Variants in PTPRO observed in about 807,000 individuals in gnomAD.
PTPRO encodes the protein protein tyrosine phosphatase receptor type O.
A neutral mutation model predicts 145.2 loss-of-function variants in PTPRO; 62 were observed. The observed-to-expected ratio is 0.43, with a 90% CI of 0.35 to 0.53. The LOEUF is 0.53. Ranked by LOEUF, PTPRO falls within the 20% of genes least tolerant of loss-of-function variation. PTPRO has a pLI of 0.01. For missense variants in PTPRO, 1,345 were observed against 1,482.7 expected, an observed-to-expected ratio of 0.91 and a Z score of 1.53; for synonymous variants, 565 against 514.7, an observed-to-expected ratio of 1.10 and a Z score of -1.32.
intron 1 of PTPRO, among the ~76,000 whole-genome samples, chr12:15,404,946 TC>T (rs1182960913): frequency 2.0e-5 from 3 of 152,162 alleles, no homozygotes; most frequent in Admixed American, 6.5e-5. Context: ...AGGGCTGTCT[TC>T]CTGATTTGAA....
intron 1 of PTPRO, among the ~76,000 whole-genome samples, chr12:15,453,227 G>C (rs1249537576): frequency 2.0e-5 from 3 of 152,002 alleles, no homozygotes; most frequent in African/African-American, 7.3e-5. Context: ...CTGACCTCAG[G>C]TGATCCACTA....
rs1345671839 is a variant in PTPRO, at chr12:15,548,642, A to G, written c.2305-452A>G. On this transcript the variant is annotated intron_variant, in intron 13 of 26. Transcript: ENST00000281171. Reference sequence around the variant, plus strand: ...AATAGCAAAAAATCAGAGACCATTTACACATTCATCAACCGGGGCTCATTA... The same window carrying G: ...AATAGCAAAAAATCAGAGACCATTTGCACATTCATCAACCGGGGCTCATTA... 2.6e-5 allele frequency among the ~76,000 whole-genome samples: 4 copies of G among 152,152 alleles called. No homozygotes were observed. The East Asian group carries it at 7.7e-4, about 29-fold the overall frequency.
intron 1 of PTPRO, among the ~76,000 whole-genome samples, chr12:15,482,041 C>T (rs1037789750): frequency 1.3e-5 from 2 of 151,936 alleles, no homozygotes; most frequent in African/African-American, 2.4e-5. Context: ...AGTATGTTGA[C>T]GATTTCTCTG....
chr12:15,517,216 T>C (rs996284213), intron 9 of PTPRO, among the ~76,000 whole-genome samples: 1 of 152,206 alleles, frequency 6.6e-6, no homozygotes, highest in African/African-American at 2.4e-5. Context: ...GAGCAAGTCA[T>C]GTCTTATACA....
chr12:15,485,912 G>A (rs1006124872), intron 2 of PTPRO, among the ~76,000 whole-genome samples: 4 of 152,122 alleles, frequency 2.6e-5, no homozygotes, highest in Non-Finnish European at 4.4e-5. Context: ...TTGAGGAAGT[G>A]TTGTTGTGAT....
chr12:15,587,566 T>G (rs552679544), intron 24 of PTPRO, among the ~76,000 whole-genome samples: 51 of 152,350 alleles, frequency 3.3e-4, no homozygotes, highest in African/African-American at 1.1e-3. Context: ...TTTGCTATGA[T>G]TCCTCTTCGG....
At chr12:15,514,114 TA>T (rs1422403310) in intron 7 of PTPRO, among the ~76,000 whole-genome samples, 1 of 152,210 alleles carries the variant, frequency 6.6e-6, no homozygotes, top group Non-Finnish European at 1.5e-5. Flanking sequence ...ACGTTCTCAC[TA>T]TTTTTCTCTA....
At chr12:15,483,928 A>G in intron 1 of PTPRO, 46 bp from the exon 2 acceptor site, 1 of 1,582,224 alleles carries the variant, frequency 6.3e-7, no homozygotes, top group Non-Finnish European at 8.7e-7. Context: ...ATTGCCAATT[A>G]TCTGAATATA....
At chr12:15,478,553 G>A (rs1016297626) in intron 1 of PTPRO, among the ~76,000 whole-genome samples, 2 of 152,056 alleles carry the variant, frequency 1.3e-5, no homozygotes, top group African/African-American at 4.8e-5. Context: ...GTTTAATTTG[G>A]GTATGGGGAA....
chr12:15,577,008 T>C (rs761510749), intron 19 of PTPRO, among the ~76,000 whole-genome samples: 2 of 152,172 alleles, frequency 1.3e-5, no homozygotes, highest in African/African-American at 4.8e-5. Flanking sequence ...TTACTAAAAA[T>C]AAGTTGCTTC....
intron 12 of PTPRO, among the ~76,000 whole-genome samples, chr12:15,545,033 G>A (rs927507890): frequency 1.3e-5 from 2 of 152,128 alleles, no homozygotes; most frequent in Non-Finnish European, 2.9e-5. Flanking sequence ...GGAGATCTGT[G>A]ATAAATCATG....
At chr12:15,563,949 G>A (rs1943837920) in intron 17 of PTPRO, among the ~76,000 whole-genome samples, 2 of 152,090 alleles carry the variant, frequency 1.3e-5, no homozygotes, top group African/African-American at 2.4e-5. Context: ...AAGTAAATGT[G>A]GAACTCCTAA....
intron 1 of PTPRO, among the ~76,000 whole-genome samples, chr12:15,456,307 C>G (rs1029343735): frequency 1.3e-5 from 2 of 151,976 alleles, no homozygotes; most frequent in South Asian, 2.1e-4. Flanking sequence ...TCCTTGCATC[C>G]CAGGGATAAA....
intron 1 of PTPRO, among the ~76,000 whole-genome samples, chr12:15,408,842 C>T (rs7964436): frequency 0.62 from 93,530 of 152,042 alleles, 31,136 homozygotes; most frequent in East Asian, 0.72. Flanking sequence ...CTCTTAGCCT[C>T]GGTATCTTTA....
intron 1 of PTPRO, among the ~76,000 whole-genome samples, chr12:15,481,800 G>A (rs1449852633): frequency 6.6e-6 from 1 of 152,166 alleles, no homozygotes; most frequent in Non-Finnish European, 1.5e-5. Flanking sequence ...GAAAAAGTCA[G>A]TACATTTTTC....
rs375985285 is a variant in PTPRO, at chr12:15,492,138, C to A, written c.350-5107C>A. Among the ~76,000 whole-genome samples, 20 of 152,006 alleles carry A rather than the reference C, an allele frequency of 1.3e-4. No homozygotes were observed. In the East Asian group the frequency reaches 1.5e-3, roughly 12 times the overall value. ...CATATGTCTTGCTGTAGACTGGGTG[C>A]TTTGGTGGGCTGAGAGGATGCAATG... On this transcript the variant is annotated intron_variant, in intron 2 of 26. Coordinates refer to ENST00000281171, the MANE Select transcript of PTPRO (RefSeq NM_030667.3).
chr12:15,446,305 A>G (rs1431057446), intron 1 of PTPRO, among the ~76,000 whole-genome samples: 1 of 152,130 alleles, frequency 6.6e-6, no homozygotes, highest in Non-Finnish European at 1.5e-5. Flanking sequence ...AGAGAAAATT[A>G]TTATTATAGA....
intron 2 of PTPRO, among the ~76,000 whole-genome samples, chr12:15,494,835 C>A (rs1031740988): frequency 6.6e-6 from 1 of 152,154 alleles, no homozygotes; most frequent in African/African-American, 2.4e-5. Context: ...GTAGAAGAAA[C>A]CCTGATGAGG....
chr12:15,566,387 G>A (rs1489363533), intron 18 of PTPRO, among the ~76,000 whole-genome samples: 1 of 152,154 alleles, frequency 6.6e-6, no homozygotes. Flanking sequence ...AGTAATCCAT[G>A]ACATAATCCA....
Sources: gnomAD v4.1 joint callset for allele counts (sites outside exome capture counted in the v4.1 genomes callset) on GRCh38, gnomAD v4.1.1 for gene constraint, MANE v1.5 for transcripts, NCBI Gene and HGNC (gene_info 2026-07-23, HGNC 2026-07-21) for gene names.